Variants in ELMO1 observed in about 807,000 individuals in gnomAD.
ELMO1 encodes engulfment and cell motility 1.
In ELMO1, 26 loss-of-function variants were observed where a neutral mutation model predicts 98.9. The observed-to-expected ratio is 0.26, with a 90% confidence interval of 0.19 to 0.36. The LOEUF (loss-of-function observed/expected upper bound fraction) is 0.36, where lower values mean the gene tolerates loss of function less well. ELMO1 is among the 10% of genes least tolerant of loss of function. ELMO1 has a pLI of 1.00. For missense variants in ELMO1, 627 were observed against 935.2 expected, an observed-to-expected ratio of 0.67 and a Z score of 4.30; for synonymous variants, 346 against 346.0, an observed-to-expected ratio of 1.00 and a Z score of 0.00.
At chr7:37,026,382 C>A (rs1794579986) in intron 15 of ELMO1, among the ~76,000 whole-genome samples, 1 of 152,132 alleles carries the variant, frequency 6.6e-6, no homozygotes, top group South Asian at 2.1e-4. Flanking sequence ...ATAAGCAATT[C>A]TGTATTGGAT....
chr7:37,314,449 T>A (rs1799047388), intron 4 of ELMO1, among the ~76,000 whole-genome samples: 1 of 152,198 alleles, frequency 6.6e-6, no homozygotes, highest in African/African-American at 2.4e-5. Context: ...CCTACATACA[T>A]AATTCCACAT....
At chr7:37,296,001 T>C (rs927187715) in intron 4 of ELMO1, among the ~76,000 whole-genome samples, 1 of 152,212 alleles carries the variant, frequency 6.6e-6, no homozygotes, top group Admixed American at 6.5e-5. Context: ...CATTGCTGTA[T>C]AACAAATTAC....
At chr7:37,004,014 G>C (rs1301536712) in intron 16 of ELMO1, among the ~76,000 whole-genome samples, 1 of 152,176 alleles carries the variant, frequency 6.6e-6, no homozygotes, top group Non-Finnish European at 1.5e-5. Flanking sequence ...TTTTGGAAAT[G>C]TGTTCTTAAC....
chr7:37,121,903 C>G lies in ELMO1; in HGVS notation c.1191+11227G>C, dbSNP rs539564229. Among the ~76,000 whole-genome samples, 311 of 152,282 alleles carry G rather than the reference C, an allele frequency of 2.0e-3. 3 individuals are homozygous for G. Among genetic ancestry groups the G allele is most frequent in the African/African-American group, 7.3e-3 (305 of 41,554 alleles). On this transcript the variant is annotated intron_variant, in intron 14 of 21. Coordinates refer to ENST00000310758, the MANE Select transcript of ELMO1 (RefSeq NM_014800.11). Reference sequence around the variant, plus strand: ...CCAGAGAGAAAGGACGGGTTACCCACAAAGGGAAGCCCATCAGACTAACAG... The same window carrying G: ...CCAGAGAGAAAGGACGGGTTACCCAGAAAGGGAAGCCCATCAGACTAACAG...
At chr7:37,089,161 C>T (rs1321037381) in intron 15 of ELMO1, among the ~76,000 whole-genome samples, 1 of 152,192 alleles carries the variant, frequency 6.6e-6, no homozygotes, top group African/African-American at 2.4e-5. Flanking sequence ...TGCTGCTGCA[C>T]TCCAAACAGT....
At chr7:36,986,393 C>T (rs948422591) in intron 16 of ELMO1, 2 of 315,104 alleles carry the variant, frequency 6.3e-6, no homozygotes, top group African/African-American at 2.3e-5. Flanking sequence ...CATAGCTCCC[C>T]GTCTTGGTAC....
At chr7:37,191,637 C>T (rs575065113) in intron 13 of ELMO1, among the ~76,000 whole-genome samples, 8 of 152,014 alleles carry the variant, frequency 5.3e-5, no homozygotes, top group African/African-American at 9.7e-5. Context: ...TATCTGGCAT[C>T]GGCCGGGCAC....
chr7:37,232,397 T>A (rs781121133), intron 8 of ELMO1, among the ~76,000 whole-genome samples: 1 of 152,242 alleles, frequency 6.6e-6, no homozygotes. Flanking sequence ...TAATTGTCCA[T>A]GATTTAATCT....
intron 4 of ELMO1, among the ~76,000 whole-genome samples, chr7:37,275,735 A>G (rs1288367745): frequency 4.6e-5 from 7 of 152,212 alleles, no homozygotes; most frequent in Admixed American, 4.6e-4. Context: ...CTTTTAAATC[A>G]GTGTCTTGTA....
intron 1 of ELMO1, among the ~76,000 whole-genome samples, chr7:37,405,597 T>A (rs1333194051): frequency 1.3e-5 from 2 of 152,218 alleles, no homozygotes; most frequent in Non-Finnish European, 2.9e-5. Context: ...TAAACTTCTG[T>A]GTGCACGGGA....
At chr7:37,055,427 T>C (rs1044531047) in intron 15 of ELMO1, among the ~76,000 whole-genome samples, 1 of 152,182 alleles carries the variant, frequency 6.6e-6, no homozygotes, top group African/African-American at 2.4e-5. Context: ...TCCATAATTA[T>C]GCAAACTTCA....
intron 16 of ELMO1, among the ~76,000 whole-genome samples, chr7:36,927,642 G>T (rs1280612285): frequency 6.6e-6 from 1 of 152,120 alleles, no homozygotes. Context: ...CCCAGAACTG[G>T]GGACCACACA....
intron 1 of ELMO1, among the ~76,000 whole-genome samples, chr7:37,361,759 G>A (rs899581545): frequency 1.3e-5 from 2 of 152,214 alleles, no homozygotes; most frequent in African/African-American, 4.8e-5. Flanking sequence ...AGGAGTTCGA[G>A]ACCAGCCTGG....
chr7:37,212,582 C>G (rs932528833), intron 12 of ELMO1, among the ~76,000 whole-genome samples: 3 of 152,202 alleles, frequency 2.0e-5, no homozygotes, highest in Non-Finnish European at 4.4e-5. Context: ...CAAAGCCTCT[C>G]CATCATTCTT....
intron 3 of ELMO1, 72 bp from the exon 4 acceptor site, chr7:37,314,994 T>C: frequency 7.4e-7 from 1 of 1,358,172 alleles, no homozygotes; most frequent in Non-Finnish European, 1.0e-6. Context: ...TTTTTAGTGT[T>C]GGATGAACTA....
At chr7:36,972,286 T>G (rs1584458823) in intron 16 of ELMO1, among the ~76,000 whole-genome samples, 1 of 152,226 alleles carries the variant, frequency 6.6e-6, no homozygotes, top group African/African-American at 2.4e-5. Flanking sequence ...ACAACTCGTA[T>G]CCTGATGACC....
At chr7:37,062,246 T>C (rs1230737698) in intron 15 of ELMO1, among the ~76,000 whole-genome samples, 5 of 152,196 alleles carry the variant, frequency 3.3e-5, no homozygotes, top group African/African-American at 1.2e-4. Flanking sequence ...CTTTCAATGT[T>C]AGTGAAGGAA....
rs182412438 is a variant in ELMO1, at chr7:36,919,111, A to G, written c.1438-24094T>C. 9.8e-5 allele frequency among the ~76,000 whole-genome samples: 15 copies of G among 152,312 alleles called. No individual in the cohort carries two copies. The East Asian group carries it at 2.7e-3, about 27-fold the overall frequency. ...TAATAAATAGAACTTGCACAAACGTAGCAACTTTTCTTCTCACAGCTCAAT... is the reference window on the plus strand; with the variant it reads ...TAATAAATAGAACTTGCACAAACGTGGCAACTTTTCTTCTCACAGCTCAAT... On this transcript the variant is annotated intron_variant, in intron 16 of 21. Coordinates refer to ENST00000310758, the MANE Select transcript of ELMO1 (RefSeq NM_014800.11).
At chr7:37,336,840 A>G (rs1253814924) in intron 2 of ELMO1, among the ~76,000 whole-genome samples, 3 of 152,210 alleles carry the variant, frequency 2.0e-5, no homozygotes, top group Non-Finnish European at 4.4e-5. Context: ...TAACATTTAA[A>G]TAAGCCTGGA....
Sources: gnomAD v4.1 joint callset for allele counts (sites outside exome capture counted in the v4.1 genomes callset) on GRCh38, gnomAD v4.1.1 for gene constraint, MANE v1.5 for transcripts, NCBI Gene and HGNC (gene_info 2026-07-23, HGNC 2026-07-21) for gene names.